The following CPNE4 variants were observed in gnomAD, a reference collection of about 807,000 sequenced individuals.
CPNE4 encodes copine 4.
Under a neutral mutation model 67.9 loss-of-function variants are expected in CPNE4, and 25 were observed. The ratio of observed to expected loss-of-function variants is 0.37; its 90% confidence interval spans 0.27 to 0.51. The LOEUF is 0.51. Ranked by LOEUF, CPNE4 falls within the 20% of genes least tolerant of loss-of-function variation. CPNE4 has a pLI of 0.93. For missense variants in CPNE4, 464 were observed against 690.8 expected, an observed-to-expected ratio of 0.67 and a Z score of 3.68; for synonymous variants, 242 against 244.9, an observed-to-expected ratio of 0.99 and a Z score of 0.11.
At chr3:131,894,649 T>A (rs996042243) in intron 2 of CPNE4, among the ~76,000 whole-genome samples, 4 of 151,906 alleles carry the variant, frequency 2.6e-5, no homozygotes, top group African/African-American at 7.2e-5. Context: ...AAAATGTAAA[T>A]GAAAACCACA....
intron 7 of CPNE4, among the ~76,000 whole-genome samples, chr3:131,667,669 T>C (rs1356682862): frequency 6.6e-6 from 1 of 151,916 alleles, no homozygotes; most frequent in Non-Finnish European, 1.5e-5. Context: ...CCTTCTCACA[T>C]TCTTTCTTTC....
At chr3:131,800,830 A>G (rs1338719111) in intron 2 of CPNE4, among the ~76,000 whole-genome samples, 1 of 152,218 alleles carries the variant, frequency 6.6e-6, no homozygotes, top group Admixed American at 6.5e-5. Context: ...AAAAGCAGAC[A>G]TGCCTAACAG....
intron 3 of CPNE4, among the ~76,000 whole-genome samples, chr3:131,706,722 G>A (rs747620999): frequency 1.1e-4 from 17 of 152,058 alleles, no homozygotes; most frequent in Non-Finnish European, 2.1e-4. Flanking sequence ...TTTCTTTGAC[G>A]CCTGCTGCCT....
chr3:131,738,555 T>C (rs1179147948), intron 2 of CPNE4, among the ~76,000 whole-genome samples: 1 of 152,178 alleles, frequency 6.6e-6, no homozygotes, highest in African/African-American at 2.4e-5. Context: ...ATTTTTAAGG[T>C]TTCTTCCAAC....
intron 1 of CPNE4, among the ~76,000 whole-genome samples, chr3:132,010,506 C>T (rs2073731613): frequency 6.6e-6 from 1 of 152,132 alleles, no homozygotes; most frequent in African/African-American, 2.4e-5. Flanking sequence ...CCATCATGTA[C>T]TCACAGCTCA....
intron 1 of CPNE4, among the ~76,000 whole-genome samples, chr3:131,978,068 A>AAT (rs1404235778): frequency 0.13 from 4,635 of 35,598 alleles, 433 homozygotes; most frequent in Admixed American, 0.21. Flanking sequence ...AATATATATA[A>AAT]ATATATATAA....
intron 2 of CPNE4, among the ~76,000 whole-genome samples, chr3:131,772,335 G>A (rs1274569394): frequency 1.3e-5 from 2 of 152,092 alleles, no homozygotes; most frequent in South Asian, 2.1e-4. Flanking sequence ...CCATTAATTG[G>A]TATTAGTAAG....
At chr3:131,917,349 C>T (rs960443117) in intron 1 of CPNE4, among the ~76,000 whole-genome samples, 3 of 152,026 alleles carry the variant, frequency 2.0e-5, no homozygotes, top group East Asian at 3.9e-4. Context: ...GCATGTGAGC[C>T]GAGTGTTTTT....
At chr3:131,678,434 T>C (rs547273357) in intron 6 of CPNE4, among the ~76,000 whole-genome samples, 1 of 152,290 alleles carries the variant, frequency 6.6e-6, no homozygotes, top group Admixed American at 6.5e-5. Context: ...TATTTCTTTC[T>C]CTCGCCTGAT....
intron 7 of CPNE4, among the ~76,000 whole-genome samples, chr3:131,648,854 G>A (rs1339799203): frequency 6.6e-6 from 1 of 152,102 alleles, no homozygotes; most frequent in Non-Finnish European, 1.5e-5. Context: ...ACTAAGCTCT[G>A]GACCATGCCC....
intron 7 of CPNE4, among the ~76,000 whole-genome samples, chr3:131,615,227 A>T (rs1940067730): frequency 6.6e-6 from 1 of 152,188 alleles, no homozygotes; most frequent in Non-Finnish European, 1.5e-5. Flanking sequence ...AGACATGGAG[A>T]GAATCAAATA....
intron 15 of CPNE4, 90 bp downstream of exon 15, chr3:131,542,467 T>A: frequency 1.1e-6 from 1 of 878,986 alleles, no homozygotes; most frequent in Non-Finnish European, 1.9e-6. Flanking sequence ...GAATGGTGGA[T>A]CACCATAAAC....
At chr3:131,717,376 C>T (rs2081725242) in intron 3 of CPNE4, among the ~76,000 whole-genome samples, 2 of 151,790 alleles carry the variant, frequency 1.3e-5, no homozygotes, top group African/African-American at 4.8e-5. Context: ...AATTTCCTTT[C>T]AAAAGTAAAG....
chr3:131,783,002 G>A lies in CPNE4; in HGVS notation c.181-59377C>T, dbSNP rs62279049. 1.1e-3 allele frequency among the ~76,000 whole-genome samples: 174 copies of A among 152,132 alleles called. 2 individuals carry two copies. The highest frequency in any genetic ancestry group is 1.0e-3 in the South Asian group (5 of 4,816). ...CTGCTTATCATGGTTTAAGAATCCTGGCTGGGAGAGAAAACCACAATGATT... is the reference window on the plus strand; with the variant it reads ...CTGCTTATCATGGTTTAAGAATCCTAGCTGGGAGAGAAAACCACAATGATT... On this transcript the variant is annotated intron_variant, in intron 2 of 15. Coordinates refer to ENST00000429747, the MANE Select transcript of CPNE4 (RefSeq NM_130808.3).
Position 131,916,091 on chromosome 3 carries a change from G to A in CPNE4, c.-1-10647C>T, listed in dbSNP as rs140016005. 1.1e-4 allele frequency among the ~76,000 whole-genome samples: 16 copies of A among 152,028 alleles called. No homozygotes were observed. The South Asian group carries it at 2.1e-3, about 20-fold the overall frequency. Reference sequence around the variant, plus strand: ...TCCTGTCACAGCCCCTCCTTTTCCCGGCATACCAAAGGCAACTATAGTTCC... The same window carrying A: ...TCCTGTCACAGCCCCTCCTTTTCCCAGCATACCAAAGGCAACTATAGTTCC... On this transcript the variant is annotated intron_variant, in intron 1 of 15. Coordinates refer to ENST00000429747, the MANE Select transcript of CPNE4 (RefSeq NM_130808.3).
chr3:131,802,516 G>T (rs866988775), intron 2 of CPNE4, among the ~76,000 whole-genome samples: 1 of 152,170 alleles, frequency 6.6e-6, no homozygotes, highest in African/African-American at 2.4e-5. Context: ...ATTGAAGTAG[G>T]GGGAGGCAGT....
intron 1 of CPNE4, among the ~76,000 whole-genome samples, chr3:131,960,309 C>T (rs1172616909): frequency 6.6e-6 from 1 of 152,086 alleles, no homozygotes; most frequent in Non-Finnish European, 1.5e-5. Context: ...TGAAAGATGT[C>T]TCATTACCAT....
At chr3:131,934,845 G>T (rs151096449) in intron 1 of CPNE4, among the ~76,000 whole-genome samples, 2 of 152,270 alleles carry the variant, frequency 1.3e-5, no homozygotes, top group African/African-American at 4.8e-5. Flanking sequence ...CTGCTGATTA[G>T]AAAAGGGATG....
chr3:131,712,803 C>T (rs2081590871), intron 3 of CPNE4, among the ~76,000 whole-genome samples: 1 of 152,158 alleles, frequency 6.6e-6, no homozygotes, highest in African/African-American at 2.4e-5. Flanking sequence ...AGCATGGCAG[C>T]ATTTGTAGGG....
Sources: allele counts gnomAD v4.1 joint callset (sites outside exome capture counted in the v4.1 genomes callset), GRCh38; gene constraint gnomAD v4.1.1; transcripts MANE v1.5; gene names NCBI Gene and HGNC (gene_info 2026-07-23, HGNC 2026-07-21).